STAP1: variants seen among roughly 807,000 people sequenced by gnomAD.
STAP1 encodes the protein signal-transducing adaptor protein 1.
STAP1 carries 30 observed loss-of-function variants against 37.8 expected under a neutral mutation model. The observed-to-expected ratio is 0.79, with a 90% CI of 0.59 to 1.08. The LOEUF (loss-of-function observed/expected upper bound fraction) is 1.08, where lower values mean the gene tolerates loss of function less well. Among genes scored for constraint, STAP1 ranks in the 50% least tolerant of loss-of-function variants. The pLI is 0.00. For synonymous variants in STAP1, 130 were observed against 116.0 expected, an observed-to-expected ratio of 1.12 and a Z score of -0.78; for missense variants, 357 against 349.4, an observed-to-expected ratio of 1.02 and a Z score of -0.17.
At chr4:67,575,191 G>T (rs1028462752) in intron 2 of STAP1, among the ~76,000 whole-genome samples, 194 bp from the exon 3 acceptor site, 1 of 152,012 alleles carries the variant, frequency 6.6e-6, no homozygotes, top group African/African-American at 2.4e-5. Context: ...ATTGGCTTTT[G>T]CAAACCTGTG....
chr4:67,588,678 G>A (rs1197044399), intron 6 of STAP1, among the ~76,000 whole-genome samples: 1 of 152,118 alleles, frequency 6.6e-6, no homozygotes, highest in Non-Finnish European at 1.5e-5. Flanking sequence ...CAAAGTGCTG[G>A]GATTACAGGC....
chr4:67,593,218 T>G, intron 7 of STAP1, 42 bp from the exon 8 acceptor site: 2 of 1,403,884 alleles, frequency 1.4e-6, no homozygotes, highest in East Asian at 2.3e-5. Context: ...TCTATACTTA[T>G]GCAGGTGATG....
intron 4 of STAP1, among the ~76,000 whole-genome samples, chr4:67,577,677 T>G (rs1727757928): frequency 6.7e-6 from 1 of 148,260 alleles, no homozygotes. Flanking sequence ...TGAGATGAGG[T>G]CTCACTATGT....
At chr4:67,564,291 A>T (rs1169265309) in intron 1 of STAP1, among the ~76,000 whole-genome samples, 1 of 152,084 alleles carries the variant, frequency 6.6e-6, no homozygotes, top group Non-Finnish European at 1.5e-5. Flanking sequence ...CCCCCATTTA[A>T]TAAATCCTTA....
intron 5 of STAP1, among the ~76,000 whole-genome samples, chr4:67,582,247 G>T (rs771987794): frequency 6.4e-4 from 97 of 151,564 alleles, no homozygotes; most frequent in Admixed American, 1.2e-3. Context: ...ATATATAAAA[G>T]ATTAAAATCA....
rs1305816498 is a variant in STAP1, at chr4:67,590,953, TG to T, written c.729+1del. 1 of 1,609,090 alleles carries T rather than the reference TG, an allele frequency of 6.2e-7. No individual in the cohort carries two copies. Among genetic ancestry groups the T allele is most frequent in the Non-Finnish European group, 8.5e-7 (1 of 1,176,918 alleles). On this transcript the variant is annotated splice_donor_variant, in intron 7 of 8. Coordinates refer to ENST00000265404, the MANE Select transcript of STAP1 (RefSeq NM_012108.4). LOFTEE classifies it high-confidence loss of function. ...ACTACACTATTGAACTGGAAAAACC[TG>T]TAAGTAACTATTTTTGTTGTTGTTG...
chr4:67,562,085 A>G (rs906486611), intron 1 of STAP1, among the ~76,000 whole-genome samples: 3 of 128,068 alleles, frequency 2.3e-5, no homozygotes, highest in East Asian at 4.2e-4. Flanking sequence ...AAAAAAAAAA[A>G]AAAAAAGAAA....
intron 6 of STAP1, among the ~76,000 whole-genome samples, chr4:67,589,049 C>A (rs375243422): frequency 1.1e-4 from 17 of 152,262 alleles, no homozygotes; most frequent in Middle Eastern, 3.4e-3. Context: ...TCAGAGAACC[C>A]ACATGACAAT....
chr4:67,593,019 A>C (rs1299987888), intron 7 of STAP1, among the ~76,000 whole-genome samples: 2 of 152,206 alleles, frequency 1.3e-5, no homozygotes, highest in Non-Finnish European at 2.9e-5. Flanking sequence ...AGAGCAAGGT[A>C]CCTAACTATT....
At chr4:67,576,477 A>T (rs1000018319) in intron 3 of STAP1, among the ~76,000 whole-genome samples, 3 of 152,236 alleles carry the variant, frequency 2.0e-5, no homozygotes, top group Non-Finnish European at 2.9e-5. Context: ...CAAACAAGCA[A>T]AAATAATAAG....
chr4:67,581,238 C>T (rs1010174071), intron 4 of STAP1, 67 bp from the exon 5 acceptor site: 52 of 1,486,574 alleles, frequency 3.5e-5, no homozygotes, highest in African/African-American at 1.1e-4. Context: ...AGAACAGGGT[C>T]GTCTTTACTA....
intron 6 of STAP1, among the ~76,000 whole-genome samples, chr4:67,590,572 C>T (rs1459711754): frequency 1.3e-5 from 2 of 152,048 alleles, no homozygotes; most frequent in Non-Finnish European, 2.9e-5. Context: ...AGGTTACTGA[C>T]ATTAAAAGAA....
At chr4:67,592,389 T>C (rs980660201) in intron 7 of STAP1, among the ~76,000 whole-genome samples, 13 of 152,214 alleles carry the variant, frequency 8.5e-5, no homozygotes, top group Admixed American at 5.9e-4. Context: ...ACATTTTATC[T>C]ACTCCTAGAC....
chr4:67,591,406 G>T (rs370757794), intron 7 of STAP1, among the ~76,000 whole-genome samples: 33 of 152,196 alleles, frequency 2.2e-4, no homozygotes, highest in Non-Finnish European at 2.8e-4. Flanking sequence ...TTACCATGGG[G>T]CTAATGATAT....
At chr4:67,577,652 T>TTTC (rs759940995) in intron 4 of STAP1, among the ~76,000 whole-genome samples, 5 of 56,560 alleles carry the variant, frequency 8.8e-5, no homozygotes, top group South Asian at 4.2e-4. Flanking sequence ...TCTTTCTTTC[T>TTTC]TTTTTTTTTT....
At chr4:67,587,739 A>G (rs569941865) in intron 6 of STAP1, among the ~76,000 whole-genome samples, 1 of 84,402 alleles carries the variant, frequency 1.2e-5, no homozygotes, top group African/African-American at 4.6e-5. Context: ...TTTTTTTTTG[A>G]GATGGAGTTT....
intron 4 of STAP1, among the ~76,000 whole-genome samples, chr4:67,580,902 G>A (rs1391947466): frequency 6.6e-6 from 1 of 152,216 alleles, no homozygotes; most frequent in Non-Finnish European, 1.5e-5. Flanking sequence ...ATGGCTGGGG[G>A]AAATCTTTTC....
At chr4:67,604,804 T>C (rs354883) in intron 8 of STAP1, among the ~76,000 whole-genome samples, 61,229 of 151,706 alleles carry the variant, frequency 0.4, 12,781 homozygotes, top group Middle Eastern at 0.47. Context: ...ACCATCTTGA[T>C]TAGATTGAAC....
intron 1 of STAP1, among the ~76,000 whole-genome samples, chr4:67,564,979 C>T (rs1727433645): frequency 2.0e-5 from 3 of 152,262 alleles, no homozygotes; most frequent in East Asian, 3.9e-4. Flanking sequence ...CATTTCTCTA[C>T]ATTCCCATCT....
Sources: gnomAD v4.1 joint callset for allele counts (sites outside exome capture counted in the v4.1 genomes callset) on GRCh38, gnomAD v4.1.1 for gene constraint, MANE v1.5 for transcripts, NCBI Gene and HGNC (gene_info 2026-07-23, HGNC 2026-07-21) for gene names.